PTPRG: variants seen among roughly 807,000 people sequenced by gnomAD.
PTPRG encodes protein tyrosine phosphatase receptor type G, also known as receptor-type tyrosine-protein phosphatase gamma.
PTPRG carries 102 observed loss-of-function variants against 165.3 expected under a neutral mutation model. That is an observed-to-expected ratio of 0.62 (90% confidence interval 0.53 to 0.73). PTPRG has a LOEUF of 0.73. Ranked by LOEUF, PTPRG falls within the 30% of genes least tolerant of loss-of-function variation. The pLI is 0.00. For missense variants in PTPRG, 1,866 were observed against 1,861.4 expected, an observed-to-expected ratio of 1.00 and a Z score of -0.05; for synonymous variants, 675 against 669.5, an observed-to-expected ratio of 1.01 and a Z score of -0.13.
At chr3:61,732,536 C>G (rs576045937) in intron 1 of PTPRG, among the ~76,000 whole-genome samples, 1 of 140,864 alleles carries the variant, frequency 7.1e-6, no homozygotes, top group Non-Finnish European at 1.5e-5. Context: ...GGTGAAACCC[C>G]GTCTCTACTA....
At chr3:61,779,357 A>G (rs1474394046) in intron 2 of PTPRG, among the ~76,000 whole-genome samples, 3 of 152,296 alleles carry the variant, frequency 2.0e-5, no homozygotes, top group South Asian at 2.1e-4. Flanking sequence ...AAGCCCCCCT[A>G]TGAGTGGCAG....
In PTPRG at chr3:62,093,803, C is replaced by A. The variant is rs189544390; in HGVS notation, c.615+15545C>A. 9.9e-5 allele frequency among the ~76,000 whole-genome samples: 15 copies of A among 152,260 alleles called. No individual in the cohort carries two copies. In the East Asian group the frequency reaches 2.5e-3, roughly 26 times the overall value. The stretch of plus-strand genomic sequence containing the variant: ...TGAGCTTGCTTTTCCTTTTAGTGAA[C>A]CTGCATTAAGATGGACCTATCCTTA... On this transcript the variant is annotated intron_variant, in intron 5 of 29. Transcript: ENST00000474889.
At chr3:61,939,168 A>C (rs1181325273) in intron 2 of PTPRG, among the ~76,000 whole-genome samples, 1 of 152,232 alleles carries the variant, frequency 6.6e-6, no homozygotes, top group Non-Finnish European at 1.5e-5. Context: ...GTTTAGGAGC[A>C]GTTTTTGCAC....
chr3:61,729,710 T>G (rs1033305274), intron 1 of PTPRG, among the ~76,000 whole-genome samples: 1 of 152,202 alleles, frequency 6.6e-6, no homozygotes, highest in African/African-American at 2.4e-5. Context: ...AGCCTAGTGA[T>G]TGTTAGAACA....
intron 8 of PTPRG, among the ~76,000 whole-genome samples, chr3:62,189,657 C>T (rs1412963164): frequency 6.6e-6 from 1 of 152,196 alleles, no homozygotes; most frequent in Non-Finnish European, 1.5e-5. Context: ...CCCTGGTCTT[C>T]CAGCAATTGG....
At position 62,264,278 on chromosome 3, in the gene PTPRG, A is replaced by C. The variant is rs547133304; in HGVS notation, c.2656+1384A>C. On this transcript the variant is annotated intron_variant, in intron 17 of 29. Coordinates refer to ENST00000474889, the MANE Select transcript of PTPRG (RefSeq NM_002841.4). ...TTGTGAACCAAGATTGTGCCACTGC[A>C]CTCAAGCCTGGGGAACAGAGCAAGA... 996 of 152,268 alleles carry C rather than the reference A, an allele frequency of 6.5e-3. 9 individuals are homozygous for C. Among genetic ancestry groups the C allele is most frequent in the Non-Finnish European group, 8.2e-3 (558 of 68,078 alleles). The allele number at this position is 152,268 out of a possible 1,614,324, so 9.4% of individuals were successfully genotyped here.
At position 62,255,445 on chromosome 3, in the gene PTPRG, T is replaced by C. The variant is rs1701516661; in HGVS notation, c.2559+230T>C. ...TATGTATTTCTACAAAAGAACCGAC[T>C]TAGTGATAGAAAAGAAGCAAACTGG... On this transcript the variant is annotated intron_variant, in intron 16 of 29. Coordinates refer to ENST00000474889, the MANE Select transcript of PTPRG (RefSeq NM_002841.4). This position sits in a 1 kb window ranked among gnomAD's most constrained non-coding sequence, Gnocchi z 4.0. Among the ~76,000 whole-genome samples, 1 of 152,176 alleles carries C rather than the reference T, an allele frequency of 6.6e-6. No individual in the cohort carries two copies. The highest frequency in any genetic ancestry group is 1.5e-5 in the Non-Finnish European group (1 of 68,004).
chr3:61,602,577 C>A (rs1700899994), intron 1 of PTPRG, among the ~76,000 whole-genome samples: 2 of 152,058 alleles, frequency 1.3e-5, no homozygotes, highest in South Asian at 2.1e-4. Context: ...GAAGATAGGC[C>A]CAGGGTTTTA....
chr3:61,568,302 T>TAATACTTTAATACTTTA (rs1359177502), intron 1 of PTPRG, among the ~76,000 whole-genome samples: 1 of 152,204 alleles, frequency 6.6e-6, no homozygotes, highest in Non-Finnish European at 1.5e-5. Context: ...GTAATACAGG[T>TAATACTTTAATACTTTA]AAATTTCACT....
intron 2 of PTPRG, among the ~76,000 whole-genome samples, chr3:61,836,167 T>G (rs1248096409): frequency 6.6e-6 from 1 of 151,908 alleles, no homozygotes. Context: ...CTTACAGCTA[T>G]GTGTAGGAAT....
intron 4 of PTPRG, among the ~76,000 whole-genome samples, chr3:62,030,838 T>G (rs1218522390): frequency 1.3e-5 from 2 of 152,222 alleles, no homozygotes; most frequent in African/African-American, 2.4e-5. Context: ...AAGGCTGATT[T>G]GCCTCTGGAA....
At chr3:61,615,955 T>C (rs1343909042) in intron 1 of PTPRG, among the ~76,000 whole-genome samples, 1 of 152,158 alleles carries the variant, frequency 6.6e-6, no homozygotes, top group East Asian at 1.9e-4. Context: ...TACTTATTTG[T>C]TTGTTTGTTT....
intron 1 of PTPRG, among the ~76,000 whole-genome samples, chr3:61,663,184 A>G (rs1158462646): frequency 1.3e-5 from 2 of 152,058 alleles, no homozygotes; most frequent in East Asian, 3.8e-4. Context: ...AAAATTAAAA[A>G]TAAAAGAGCA....
At chr3:61,892,303 T>G (rs942757779) in intron 2 of PTPRG, among the ~76,000 whole-genome samples, 1 of 152,230 alleles carries the variant, frequency 6.6e-6, no homozygotes, top group Non-Finnish European at 1.5e-5. Context: ...CCTGGCCTAC[T>G]GTAGCCTCAG....
chr3:62,279,653 C>A (rs1035043821), intron 26 of PTPRG, among the ~76,000 whole-genome samples: 2 of 152,038 alleles, frequency 1.3e-5, no homozygotes, highest in Non-Finnish European at 2.9e-5. Flanking sequence ...TTACAGACTT[C>A]TTTTGTATAG....
rs372533040 is a variant in PTPRG at position 62,095,730 on chromosome 3, A to C, written c.615+17472A>C. The stretch of plus-strand genomic sequence containing the variant: ...AAAAGACATTGATTGCTTTGAGAGC[A>C]TGTGATGAGGGTCAGGTCCAGGTTT... On this transcript the variant is annotated intron_variant, in intron 5 of 29. Transcript: ENST00000474889. Among the ~76,000 whole-genome samples the C allele has an allele frequency of 4.4e-4, 67 of 152,270 alleles. No individual in the cohort carries two copies. In the South Asian group the frequency reaches 0.012, roughly 28 times the overall value.
At chr3:62,044,699 G>A (rs1377953890) in intron 4 of PTPRG, among the ~76,000 whole-genome samples, 4 of 152,072 alleles carry the variant, frequency 2.6e-5, no homozygotes, top group Admixed American at 1.3e-4. Flanking sequence ...ATAACATATT[G>A]TGCAGCCATA....
intron 1 of PTPRG, among the ~76,000 whole-genome samples, chr3:61,606,311 G>A (rs1472286063): frequency 6.6e-6 from 1 of 152,204 alleles, no homozygotes; most frequent in Non-Finnish European, 1.5e-5. Flanking sequence ...CAATGTGGAT[G>A]TTTGCTTCTC....
rs1425415203 is a variant in PTPRG, at chr3:62,214,955, G to C, written c.2156-3896G>C. 1.3e-5 allele frequency among the ~76,000 whole-genome samples: 2 copies of C among 152,212 alleles called. No individual in the cohort carries two copies. Among genetic ancestry groups the C allele is most frequent in the African/African-American group, 4.8e-5 (2 of 41,458 alleles). On this transcript the variant is annotated intron_variant, in intron 12 of 29. Transcript: ENST00000474889. This position sits in a 1 kb window ranked among gnomAD's most constrained non-coding sequence, Gnocchi z 5.2. ...GGCAGCATTTGAACCAGGACTGAAGGATCAATAAGATGAATTCTGGCATCA... is the reference window on the plus strand; with the variant it reads ...GGCAGCATTTGAACCAGGACTGAAGCATCAATAAGATGAATTCTGGCATCA...
Sources: gnomAD v4.1 joint callset for allele counts (sites outside exome capture counted in the v4.1 genomes callset) on GRCh38, gnomAD v4.1.1 for gene constraint, Gnocchi (gnomAD v3.1) non-coding constraint, MANE v1.5 for transcripts, NCBI Gene and HGNC (gene_info 2026-07-23, HGNC 2026-07-21) for gene names.